ZAN: variants seen among roughly 807,000 people sequenced by gnomAD.
ZAN encodes zonadhesin (gene/pseudogene).
ZAN carries 260 observed loss-of-function variants against 286.2 expected under a neutral mutation model. The observed-to-expected ratio is 0.91, with a 90% CI of 0.82 to 1.01. The LOEUF is 1.01. Ranked by LOEUF, ZAN falls within the 50% of genes least tolerant of loss-of-function variation. The probability of loss-of-function intolerance (pLI) is 0.00; values close to 1 mark genes in which losing one functional copy is unlikely to be tolerated. For missense variants in ZAN, 3,410 were observed against 3,639.2 expected (o/e 0.94, Z 1.62); for synonymous variants, 1,368 against 1,417.5 (o/e 0.97, Z 0.79).
Position 100,736,976 on chromosome 7 carries a change from G to A in ZAN, c.421G>A (p.Glu141Lys). 2 of 1,503,762 alleles carry A rather than the reference G, an allele frequency of 1.3e-6. 1 individual carries two copies. The highest frequency in any genetic ancestry group is 1.8e-6 in the Non-Finnish European group (2 of 1,098,386). The allele number at this position is 1,503,762 out of a possible 1,614,324, so 93.2% of individuals were successfully genotyped here. A position where few individuals can be genotyped will look rare whatever the true frequency, so the allele number is the denominator to read the frequency against. ...CAGGCTGCTGCTGCTCTCGGGTGAA[G>A]AGGGCCGCCGCCCCGATGTGCTCTG... ...QLRLLLLSGE[E>K]GRRPDVLWKH... The change falls in exon 5 of 48, where the codon GAG (glutamate) becomes AAG (lysine). Residue 141 changes from glutamate (E) to lysine (K), a missense_variant. Physicochemically the swap from Glu to Lys is moderately conservative, Grantham distance 56. Around this residue, in one of 7 missense-constraint regions of ZAN, gnomAD observed 872 missense variants for 938.9 expected, o/e 0.93. Coordinates refer to ENST00000613979, the MANE Select transcript of ZAN (RefSeq NM_003386.3).
At chr7:100,736,378 G>A in intron 3 of ZAN, 105 bp from the exon 4 acceptor site, 1 of 1,278,952 alleles carries the variant, frequency 7.8e-7, no homozygotes. Context: ...TGATTTCATG[G>A]CAGCTTTCTC....
chr7:100,756,236 A>T (rs996003438), intron 15 of ZAN, among the ~76,000 whole-genome samples: 1 of 152,172 alleles, frequency 6.6e-6, no homozygotes, highest in Non-Finnish European at 1.5e-5. Context: ...ATCATTAGCA[A>T]TTTATGATAA....
At chr7:100,751,307 T>A in intron 13 of ZAN, 41 bp downstream of exon 13, 1 of 1,443,016 alleles carries the variant, frequency 6.9e-7, no homozygotes, top group Non-Finnish European at 9.3e-7. Flanking sequence ...GGCGGTGCCC[T>A]GAGGTTCCCT....
At chr7:100,755,500 A>G (rs1809082837) in intron 15 of ZAN, 90 bp downstream of exon 15, 1 of 1,474,860 alleles carries the variant, frequency 6.8e-7, no homozygotes, top group Non-Finnish European at 9.2e-7. Flanking sequence ...TGTGAAGGCA[A>G]CAGGGATCAC....
chr7:100,768,068 G>C, intron 26 of ZAN, 57 bp downstream of exon 26: 3 of 1,546,042 alleles, frequency 1.9e-6, no homozygotes, highest in South Asian at 2.5e-5. Context: ...CGTGTGACCT[G>C]GTCCCAGCTC....
chr7:100,737,400 C>T, intron 6 of ZAN, 51 bp downstream of exon 6: 1 of 1,235,814 alleles, frequency 8.1e-7, no homozygotes, highest in East Asian at 2.6e-5. Flanking sequence ...TTCTCTCCGT[C>T]CTTGCACAAC....
intron 35 of ZAN, among the ~76,000 whole-genome samples, chr7:100,782,123 G>C (rs1811233784): frequency 6.6e-6 from 1 of 151,496 alleles, no homozygotes; most frequent in South Asian, 2.1e-4. Context: ...ATCTGTTATG[G>C]AAAGTAGACC....
chr7:100,786,291 GTT>G, intron 37 of ZAN, 150 bp downstream of exon 37: 2 of 1,266,782 alleles, frequency 1.6e-6, no homozygotes, highest in Non-Finnish European at 2.2e-6. Flanking sequence ...CTGGCCTCCA[GTT>G]TAGCTCTTGC....
Position 100,755,207 on chromosome 7 carries a change from G to A in ZAN, c.3125-19G>A. On this transcript the variant is annotated intron_variant, in intron 14 of 47. Transcript: ENST00000613979. ...AAAGCCATGGAATGAAAGCATGACAGAGGCTGTTTTCCCCTTAGAGCGCTG... is the reference window on the plus strand; with the variant it reads ...AAAGCCATGGAATGAAAGCATGACAAAGGCTGTTTTCCCCTTAGAGCGCTG... 1 of 1,599,972 alleles carries A rather than the reference G, an allele frequency of 6.3e-7. No individual in the cohort carries two copies. Among genetic ancestry groups the A allele is most frequent in the East Asian group, 2.2e-5 (1 of 44,556 alleles).
Position 100,746,568 on chromosome 7 carries a change from A to G in ZAN, c.797A>G (p.Asn266Ser). The G allele has an allele frequency of 1.2e-6, 2 of 1,613,944 alleles. No individual in the cohort carries two copies. The highest frequency in any genetic ancestry group is 2.2e-5 in the East Asian group (1 of 44,878). Residue 266 changes from asparagine (N) to serine (S), a missense_variant, in exon 8 of 48, where the codon AAT becomes AGT. Asn to Ser is a conservative substitution (Grantham distance 46). Coordinates refer to ENST00000613979, the MANE Select transcript of ZAN (RefSeq NM_003386.3). ...TGCTACATGCTCCTGGACCCCAAGA[A>G]TGCAAGACCTGGGCAGAAAGCTGTC... ...SGCYMLLDPKNARPGQKAVLL... is the reference protein window; with the variant it reads ...SGCYMLLDPKSARPGQKAVLL...
chr7:100,780,720 C>T lies in ZAN; in HGVS notation c.6622+970C>T, dbSNP rs554176763. 9.2e-5 allele frequency among the ~76,000 whole-genome samples: 14 copies of T among 152,176 alleles called. No individual in the cohort carries two copies. In the East Asian group the frequency reaches 2.3e-3, roughly 25 times the overall value. On this transcript the variant is annotated intron_variant, in intron 35 of 47. Transcript: ENST00000613979. The stretch of plus-strand genomic sequence containing the variant: ...ACCAGTGTACCGTCTCCCTCCCACC[C>T]TCACCCCATGGGCCTGGTTCATGTC...
rs769069228 is a variant in ZAN, at chr7:100,751,708, G to T, written c.1607-4G>T. 6.4e-7 allele frequency: 1 copy of T among 1,570,444 alleles called. No individual in the cohort carries two copies. The highest frequency in any genetic ancestry group is 8.6e-7 in the Non-Finnish European group (1 of 1,165,370). On this transcript the variant is annotated splice_region_variant and splice_polypyrimidine_tract_variant and intron_variant, in intron 13 of 47. Coordinates refer to ENST00000613979, the MANE Select transcript of ZAN (RefSeq NM_003386.3). ...ACTCCAGGGATTCTTATTTTTCTTT[G>T]CAGTAAAAGTGCTACCAGAGCTTCC... is the stretch of plus-strand genomic sequence containing the variant.
Position 100,764,163 on chromosome 7 carries a change from G to A in ZAN, c.4234G>A (p.Ala1412Thr), listed in dbSNP as rs777361674. 28 of 1,601,174 alleles carry A rather than the reference G, an allele frequency of 1.7e-5. No individual in the cohort carries two copies. The highest frequency in any genetic ancestry group is 1.7e-4 in the Middle Eastern group (1 of 6,038). The change falls in exon 22 of 48, where the codon GCT becomes ACT. Residue 1412 changes from alanine to threonine, a missense_variant. Ala to Thr is a moderately conservative substitution (Grantham distance 58, BLOSUM62 0). This residue lies in a region of ZAN where 1,042 missense variants were observed against 1,058.0 expected (regional missense o/e 0.98). Transcript: ENST00000613979. ...CACCACCTGCCAGGACGCAGGCCAC[G>A]CTGTGAAGCCCTGGAGGGAACCCCA... ...MTTTCQDAGH[A>T]VKPWREPHFC... is the part of the protein sequence containing the mutation.
At chr7:100,780,019 AC>A (rs1472892603) in intron 35 of ZAN, among the ~76,000 whole-genome samples, 1 of 151,994 alleles carries the variant, frequency 6.6e-6, no homozygotes, top group African/African-American at 2.4e-5. Context: ...ACATGGTGAA[AC>A]CCCATCCTAC....
In ZAN at chr7:100,776,453, G is replaced by T. The variant is rs772038656; in HGVS notation, c.6206G>T (p.Cys2069Phe). 3.1e-6 allele frequency: 5 copies of T among 1,606,392 alleles called. No homozygotes were observed. Among genetic ancestry groups the T allele is most frequent in the Non-Finnish European group, 1.7e-6 (2 of 1,176,594 alleles). Residue 2069 changes from cysteine (C) to phenylalanine (F), a missense_variant, in exon 34 of 48, where the codon TGT (cysteine) becomes TTT (phenylalanine). Around this residue, in one of 7 missense-constraint regions of ZAN, gnomAD observed 1,289 missense variants for 1,314.3 expected, o/e 0.98. Coordinates refer to ENST00000613979, the MANE Select transcript of ZAN (RefSeq NM_003386.3). Reference protein sequence around the residue: ...TTYYGKVCGMCGNFNDEEEDE... With the variant: ...TTYYGKVCGMFGNFNDEEEDE... ...CTCCCCCGCCAGGTCTGCGGCATGT[G>T]TGGGAACTTCAATGATGAGGAAGAG...
chr7:100,793,060 T>C (rs1390271720), intron 42 of ZAN, among the ~76,000 whole-genome samples: 1 of 150,320 alleles, frequency 6.7e-6, no homozygotes, highest in Non-Finnish European at 1.5e-5. Context: ...CTAGACAGGC[T>C]GGACATGGTA....
intron 42 of ZAN, among the ~76,000 whole-genome samples, chr7:100,792,982 C>CAAAAAAAAAAAAAAA (rs1232116032): frequency 9.3e-4 from 47 of 50,588 alleles, no homozygotes; most frequent in South Asian, 1.4e-3. Context: ...CATCCTATCT[C>CAAAAAAAAAAAAAAA]AAAAAAAAAA....
chr7:100,747,527 C>T (rs1239505252), intron 8 of ZAN, 23 bp from the exon 9 acceptor site: 5 of 1,610,094 alleles, frequency 3.1e-6, no homozygotes, highest in Non-Finnish European at 4.3e-6. Context: ...GCTCACTTCT[C>T]CTTCCAATTC....
In ZAN at chr7:100,738,704, C is replaced by G. The variant is rs1807480611; in HGVS notation, c.766+91C>G. 8 of 1,291,406 alleles carry G rather than the reference C, an allele frequency of 6.2e-6. 1 individual carries two copies. The highest frequency in any genetic ancestry group is 2.7e-5 in the South Asian group (2 of 72,748). The allele number at this position is 1,291,406 out of a possible 1,614,324, so 80.0% of individuals were successfully genotyped here. ...TGGGACGGTCTGTCATGAACACCTA[C>G]AGCTTCAAGCCTCTTACCAGCTCAA... On this transcript the variant is annotated intron_variant, in intron 7 of 47. Coordinates refer to ENST00000613979, the MANE Select transcript of ZAN (RefSeq NM_003386.3).
Sources: allele counts gnomAD v4.1 joint callset (sites outside exome capture counted in the v4.1 genomes callset), GRCh38; gene constraint gnomAD v4.1.1; regional missense constraint gnomAD v4.1.1; transcripts MANE v1.5; gene names NCBI Gene and HGNC (gene_info 2026-07-23, HGNC 2026-07-21).